PTPRQ: variants seen among roughly 807,000 people sequenced by gnomAD.
PTPRQ encodes the protein protein tyrosine phosphatase receptor type Q, also known as phosphatidylinositol phosphatase PTPRQ.
Under a neutral mutation model 246.0 loss-of-function variants are expected in PTPRQ, and 199 were observed. That is an observed-to-expected ratio of 0.81 (90% CI 0.72 to 0.91). The LOEUF is 0.91. PTPRQ is among the 40% of genes least tolerant of loss of function. PTPRQ has a pLI of 0.00. For missense variants in PTPRQ, 2,624 were observed against 2,528.4 expected (o/e 1.04, Z -0.81); for synonymous variants, 869 against 853.2 (o/e 1.02, Z -0.32).
At chr12:80,483,389 G>T (rs1486394935) in intron 8 of PTPRQ, among the ~76,000 whole-genome samples, 2 of 107,726 alleles carry the variant, frequency 1.9e-5, no homozygotes, top group Non-Finnish European at 3.7e-5. Context: ...GGTGGGGGGA[G>T]GGGGGAGGGA....
Position 80,679,078 on chromosome 12 carries a change from G to C in PTPRQ, c.*55G>C. The C allele has an allele frequency of 6.5e-7, 1 of 1,528,518 alleles. No homozygotes were observed. The highest frequency in any genetic ancestry group is 2.1e-5 in the Admixed American group (1 of 46,790). 94.7% of individuals were successfully genotyped at this position (1,528,518 alleles called of 1,614,324 possible). On this transcript the variant is annotated 3_prime_UTR_variant, in exon 45 of 45. Transcript: ENST00000644991. ...AGATTTTTAAATCCCAGGGGCCAAA[G>C]TTACCCCCTCATTCTTCCGAATTGA...
chr12:80,631,248 T>C (rs1471931523), intron 33 of PTPRQ, among the ~76,000 whole-genome samples: 6 of 152,160 alleles, frequency 3.9e-5, no homozygotes, highest in Admixed American at 3.9e-4. Flanking sequence ...TTTTAAACTA[T>C]TGGGTACTGG....
intron 25 of PTPRQ, among the ~76,000 whole-genome samples, chr12:80,571,321 G>A (rs1043651938): frequency 2.0e-5 from 3 of 152,188 alleles, no homozygotes; most frequent in Middle Eastern, 3.2e-3. Context: ...TATATTTTTA[G>A]TAGAGACAGG....
In PTPRQ at chr12:80,477,728, T is replaced by C. The variant is rs138461566; in HGVS notation, c.1186+5477T>C. On this transcript the variant is annotated intron_variant, in intron 8 of 44. Coordinates refer to ENST00000644991, the MANE Select transcript of PTPRQ (RefSeq NM_001145026.2). ...TGCCTCACTCGGGAAGCGCAAGGGG[T>C]CAGGGAGTTCCCTTTCCCCTTGTCA... Among the ~76,000 whole-genome samples, 888 of 151,706 alleles carry C rather than the reference T, an allele frequency of 5.9e-3. 10 individuals are homozygous for C. Among genetic ancestry groups the C allele is most frequent in the African/African-American group, 0.021 (862 of 41,340 alleles).
chr12:80,531,456 G>A (rs1429935465), intron 17 of PTPRQ, among the ~76,000 whole-genome samples: 6 of 152,126 alleles, frequency 3.9e-5, no homozygotes, highest in Non-Finnish European at 8.8e-5. Context: ...TCCTACATAC[G>A]AATTTCCTAC....
intron 9 of PTPRQ, among the ~76,000 whole-genome samples, 193 bp downstream of exon 9, chr12:80,484,798 C>A (rs983176128): frequency 2.6e-5 from 4 of 152,004 alleles, no homozygotes; most frequent in African/African-American, 9.7e-5. Flanking sequence ...TAGTTAAGTG[C>A]TATTATTCCT....
intron 26 of PTPRQ, among the ~76,000 whole-genome samples, chr12:80,592,531 A>G (rs1436112688): frequency 6.6e-6 from 1 of 152,158 alleles, no homozygotes; most frequent in Non-Finnish European, 1.5e-5. Context: ...ATAAGAATAA[A>G]AGAAATTATA....
At chr12:80,594,651 A>G (rs187814239) in intron 26 of PTPRQ, among the ~76,000 whole-genome samples, 3 of 151,998 alleles carry the variant, frequency 2.0e-5, no homozygotes, top group African/African-American at 7.2e-5. Context: ...CTGCACCACT[A>G]TTCATCTAGT....
chr12:80,494,982 T>C lies in PTPRQ; in HGVS notation c.1590T>C (p.Ser530=), dbSNP rs1431972236. ...CTGACATTGCAGCTGAACAGCTGTC[T>C]TATGTTATCAGGAGACTTGTACCTT... The part of the protein sequence containing the change: ...YITDIAAEQL[S]YVIRRLVPFT... The change falls in exon 11 of 45, where the codon TCT becomes TCC. Residue 530 remains serine, a synonymous_variant. Transcript: ENST00000644991. 2 of 1,550,270 alleles carry C rather than the reference T, an allele frequency of 1.3e-6. No homozygotes were observed. Among genetic ancestry groups the C allele is most frequent in the South Asian group, 1.2e-5 (1 of 84,004 alleles).
chr12:80,513,375 G>A (rs889295781), intron 17 of PTPRQ, among the ~76,000 whole-genome samples: 1 of 152,068 alleles, frequency 6.6e-6, no homozygotes, highest in Non-Finnish European at 1.5e-5. Context: ...TGGCCTGCTG[G>A]CCTGCGGCGT....
chr12:80,508,295 C>T (rs74108865), intron 16 of PTPRQ, among the ~76,000 whole-genome samples: 6,791 of 152,088 alleles, frequency 0.045, 171 homozygotes, highest in Middle Eastern at 0.088. Flanking sequence ...ATGAAGCTCA[C>T]GGTTAGAACA....
At chr12:80,608,595 A>ATACT (rs202062061) in intron 27 of PTPRQ, among the ~76,000 whole-genome samples, 20 of 132,850 alleles carry the variant, frequency 1.5e-4, no homozygotes, top group Admixed American at 1.3e-3. Flanking sequence ...TTTATAAATT[A>ATACT]TAAATAGTTA....
chr12:80,552,981 A>G (rs954780137), intron 25 of PTPRQ, among the ~76,000 whole-genome samples: 2 of 151,886 alleles, frequency 1.3e-5, no homozygotes, highest in Non-Finnish European at 2.9e-5. Context: ...GGAACCACTC[A>G]TTTCCACCGC....
chr12:80,626,061 C>T (rs1156992423), intron 33 of PTPRQ, among the ~76,000 whole-genome samples: 1 of 152,178 alleles, frequency 6.6e-6, no homozygotes, highest in Non-Finnish European at 1.5e-5. Context: ...TTTCTTTTGT[C>T]ATAACACTTC....
At chr12:80,536,023 C>T (rs1413500249) in intron 19 of PTPRQ, among the ~76,000 whole-genome samples, 3 of 152,254 alleles carry the variant, frequency 2.0e-5, no homozygotes, top group African/African-American at 7.2e-5. Flanking sequence ...AGGAGAATGG[C>T]GTCAACCCGG....
chr12:80,614,446 G>A (rs1179507087), intron 29 of PTPRQ, among the ~76,000 whole-genome samples: 1 of 150,640 alleles, frequency 6.6e-6, no homozygotes, highest in African/African-American at 2.4e-5. Flanking sequence ...CATCTTCTAA[G>A]AAACAGAATT....
rs920307634 is a variant in PTPRQ, at chr12:80,542,147, C to T, written c.3504C>T (p.Leu1168=). 1 of 1,551,024 alleles carries T rather than the reference C, an allele frequency of 6.4e-7. No homozygotes were observed. The change falls in exon 22 of 45, where the codon CTC becomes CTT. Residue 1168 remains leucine, a synonymous_variant. Coordinates refer to ENST00000644991, the MANE Select transcript of PTPRQ (RefSeq NM_001145026.2). The part of the protein sequence containing the change: ...TFKNLSSTSV[L]LSWDPPVKPN... ...AAAACCTTTCCTCTACCTCAGTTCT[C>T]TTATCATGGGATCCCCCAGTAAAGC... is the stretch of plus-strand genomic sequence containing the variant.
chr12:80,542,377 C>T lies in PTPRQ; in HGVS notation c.3721+13C>T. ...ACAGATGAGTCAGGTAAGCCAGAATCCACATTTCTTCAAACAATTTCACTG... is the reference window on the plus strand; with the variant it reads ...ACAGATGAGTCAGGTAAGCCAGAATTCACATTTCTTCAAACAATTTCACTG... On this transcript the variant is annotated intron_variant, in intron 22 of 44. Transcript: ENST00000644991. 6.6e-7 allele frequency: 1 copy of T among 1,519,576 alleles called. No homozygotes were observed. Among genetic ancestry groups the T allele is most frequent in the Non-Finnish European group, 8.8e-7 (1 of 1,139,378 alleles). 94.1% of individuals were successfully genotyped at this position (1,519,576 alleles called of 1,614,324 possible).
chr12:80,594,883 C>T (rs928291226), intron 26 of PTPRQ, among the ~76,000 whole-genome samples: 1 of 152,074 alleles, frequency 6.6e-6, no homozygotes, highest in Non-Finnish European at 1.5e-5. Context: ...TACCATTCAC[C>T]TGAACTCAGC....
Sources: gnomAD v4.1 joint callset for allele counts (sites outside exome capture counted in the v4.1 genomes callset) on GRCh38, gnomAD v4.1.1 for gene constraint, MANE v1.5 for transcripts, NCBI Gene and HGNC (gene_info 2026-07-23, HGNC 2026-07-21) for gene names.